The following KCNT2 variants were observed in gnomAD, a reference collection of about 807,000 sequenced individuals.
The protein encoded by KCNT2 is potassium channel subfamily T member 2.
In KCNT2, 67 loss-of-function variants were observed where a neutral mutation model predicts 153.8. The observed-to-expected ratio is 0.44, with a 90% CI of 0.36 to 0.53. The LOEUF (loss-of-function observed/expected upper bound fraction) is 0.53. KCNT2 is among the 20% of genes least tolerant of loss of function. The pLI is 0.00. For synonymous variants in KCNT2, 500 were observed against 458.8 expected, an observed-to-expected ratio of 1.09 and a Z score of -1.15; for missense variants, 975 against 1,354.8, an observed-to-expected ratio of 0.72 and a Z score of 4.40.
intron 1 of KCNT2, among the ~76,000 whole-genome samples, chr1:196,537,877 C>T (rs1301772873): frequency 1.3e-5 from 2 of 152,192 alleles, no homozygotes; most frequent in African/African-American, 4.8e-5. Context: ...GGAGCACCTT[C>T]CCCTTCTTTA....
At chr1:196,259,485 C>T (rs1182647928) in intron 25 of KCNT2, 1 of 152,074 alleles carries the variant, frequency 6.6e-6, no homozygotes, top group Non-Finnish European at 1.5e-5. Flanking sequence ...GAGCAGCATT[C>T]ATGAATCTGT....
At chr1:196,462,366 T>G (rs1023530460) in intron 8 of KCNT2, among the ~76,000 whole-genome samples, 9 of 151,670 alleles carry the variant, frequency 5.9e-5, no homozygotes, top group African/African-American at 1.7e-4. Context: ...TATCTTTAAC[T>G]TGGTGGAGAT....
intron 8 of KCNT2, among the ~76,000 whole-genome samples, chr1:196,457,761 A>G (rs566885195): frequency 4.6e-5 from 7 of 152,078 alleles, no homozygotes; most frequent in Admixed American, 3.9e-4. Context: ...CCTATCTTCC[A>G]TAAGAAGGAG....
intron 14 of KCNT2, among the ~76,000 whole-genome samples, chr1:196,361,891 T>TTG (rs916968748): frequency 1.5e-5 from 2 of 136,352 alleles, no homozygotes; most frequent in African/African-American, 2.9e-5. Context: ...AGACTTTAAA[T>TTG]TGTGTGTGTG....
rs1017069488 is a variant in KCNT2 at position 196,247,591 on chromosome 1, A to G, written c.3211+10603T>C. Reference sequence around the variant, plus strand: ...AATCATGGCAGAAGGGGAAGCAAACATATCCTTCTTCACATGATGGCATGA... The same window carrying G: ...AATCATGGCAGAAGGGGAAGCAAACGTATCCTTCTTCACATGATGGCATGA... On this transcript the variant is annotated intron_variant, in intron 26 of 27. Coordinates refer to ENST00000294725, the MANE Select transcript of KCNT2 (RefSeq NM_198503.5). 5.3e-5 allele frequency among the ~76,000 whole-genome samples: 8 copies of G among 152,282 alleles called. No homozygotes were observed. The South Asian group carries it at 1.7e-3, about 32-fold the overall frequency.
rs1459457248 is a variant in KCNT2 at position 196,258,436 on chromosome 1, C to T, written c.2969G>A (p.Gly990Glu). ...GTTGCGGTGGTTGCTGCGGTGGTGC[C>T]CTTGTTCTTTGGAGTCTTTGGTGTC... ...WEDTKDSKEQ[G>E]HHRSNHRNST... Residue 990 changes from glycine (G) to glutamate (E), a missense_variant, in exon 26 of 28, where the codon GGG becomes GAG. Gly to Glu is a moderately conservative substitution (Grantham distance 98, BLOSUM62 -2). Coordinates refer to ENST00000294725, the MANE Select transcript of KCNT2 (RefSeq NM_198503.5). 6.2e-7 allele frequency: 1 copy of T among 1,613,662 alleles called. No individual in the cohort carries two copies.
intron 12 of KCNT2, among the ~76,000 whole-genome samples, chr1:196,404,911 A>G (rs1408530504): frequency 6.6e-6 from 1 of 151,684 alleles, no homozygotes; most frequent in African/African-American, 2.4e-5. Flanking sequence ...AGGCATATAG[A>G]AAGCATTTAG....
intron 22 of KCNT2, among the ~76,000 whole-genome samples, chr1:196,298,008 T>G (rs1362755228): frequency 1.3e-5 from 2 of 152,214 alleles, no homozygotes; most frequent in Non-Finnish European, 2.9e-5. Context: ...GCCTTCTTAC[T>G]ATTCTATAGT....
At chr1:196,395,561 A>G (rs1670865370) in intron 13 of KCNT2, among the ~76,000 whole-genome samples, 1 of 151,614 alleles carries the variant, frequency 6.6e-6, no homozygotes, top group South Asian at 2.1e-4. Context: ...TAGTATTATA[A>G]TGGCATGAGG....
chr1:196,366,046 G>A (rs568160112), intron 14 of KCNT2, among the ~76,000 whole-genome samples: 1 of 152,114 alleles, frequency 6.6e-6, no homozygotes, highest in Non-Finnish European at 1.5e-5. Flanking sequence ...TGGCCTAGGA[G>A]ACGCTACATG....
rs565495426 is a variant in KCNT2, at chr1:196,343,271, C to T, written c.1404-1043G>A. On this transcript the variant is annotated intron_variant, in intron 14 of 27. Transcript: ENST00000294725. ...ATGTCTTTTGTTCTGGAACGTTCTG[C>T]GCTGCCCGCCTAACTCAGTGGCTTT... 1.5e-4 allele frequency among the ~76,000 whole-genome samples: 23 copies of T among 152,268 alleles called. No homozygotes were observed. The East Asian group carries it at 2.1e-3, about 14-fold the overall frequency.
At chr1:196,435,860 T>C (rs1181763629) in intron 8 of KCNT2, among the ~76,000 whole-genome samples, 1 of 151,694 alleles carries the variant, frequency 6.6e-6, no homozygotes, top group Non-Finnish European at 1.5e-5. Context: ...TATTATCTTG[T>C]TTTTATGTAA....
intron 13 of KCNT2, among the ~76,000 whole-genome samples, chr1:196,389,834 C>T (rs892692472): frequency 2.0e-5 from 3 of 151,542 alleles, no homozygotes; most frequent in Admixed American, 2.0e-4. Context: ...GGGGCTAAGT[C>T]AGTCTTACTA....
chr1:196,603,243 G>A (rs539224697), intron 1 of KCNT2, among the ~76,000 whole-genome samples: 12 of 152,024 alleles, frequency 7.9e-5, no homozygotes, highest in Non-Finnish European at 1.8e-4. Flanking sequence ...TGTAGATATT[G>A]TATATGCATA....
intron 8 of KCNT2, among the ~76,000 whole-genome samples, chr1:196,451,407 A>ATTTTT (rs35621901): frequency 1.2e-3 from 73 of 62,846 alleles, no homozygotes; most frequent in Non-Finnish European, 1.3e-3. Flanking sequence ...CACCCAACAC[A>ATTTTT]TTTTTTTTTT....
At chr1:196,428,663 A>G (rs970905997) in intron 9 of KCNT2, among the ~76,000 whole-genome samples, 6 of 152,096 alleles carry the variant, frequency 3.9e-5, no homozygotes, top group African/African-American at 1.4e-4. Flanking sequence ...ACAAGGCCAC[A>G]TTCTAGCTGT....
At chr1:196,459,403 G>A (rs1676958369) in intron 8 of KCNT2, among the ~76,000 whole-genome samples, 1 of 149,532 alleles carries the variant, frequency 6.7e-6, no homozygotes, top group Non-Finnish European at 1.5e-5. Flanking sequence ...GAAATTTCAA[G>A]AAAAAAAATC....
chr1:196,234,832 A>G (rs1372255421), intron 27 of KCNT2, among the ~76,000 whole-genome samples: 1 of 151,398 alleles, frequency 6.6e-6, no homozygotes, highest in Non-Finnish European at 1.5e-5. Context: ...CTATGGATCT[A>G]ATATCCAACA....
At chr1:196,419,738 G>A (rs1044021307) in intron 12 of KCNT2, among the ~76,000 whole-genome samples, 7 of 151,926 alleles carry the variant, frequency 4.6e-5, no homozygotes, top group South Asian at 2.1e-4. Context: ...TTACTGATGA[G>A]ACATCTGAAG....
Sources: allele counts gnomAD v4.1 joint callset (sites outside exome capture counted in the v4.1 genomes callset), GRCh38; gene constraint gnomAD v4.1.1; transcripts MANE v1.5; gene names NCBI Gene and HGNC (gene_info 2026-07-23, HGNC 2026-07-21).